Variants in COL4A5 observed in about 807,000 individuals in gnomAD.
COL4A5 encodes collagen type IV alpha 5 chain, also known as collagen alpha-5(IV) chain.
Under a neutral mutation model 130.2 loss-of-function variants are expected in COL4A5, and 26 were observed. That is an observed-to-expected ratio of 0.20 (90% CI 0.15 to 0.28). The LOEUF is 0.28. Ranked by LOEUF, COL4A5 falls within the 10% of genes least tolerant of loss-of-function variation. The pLI is 1.00. For synonymous variants in COL4A5, 496 were observed against 439.6 expected (o/e 1.13, Z -1.60); for missense variants, 1,131 against 1,344.3 (o/e 0.84, Z 2.48).
At chrX:108,650,866 A>T (rs1388025446) in intron 36 of COL4A5, among the ~76,000 whole-genome samples, 1 of 110,407 alleles carries the variant, frequency 9.1e-6, no homozygotes, top group Admixed American at 9.7e-5. Context: ...AATCTCACAA[A>T]TCACCACTAA....
intron 29 of COL4A5, among the ~76,000 whole-genome samples, chrX:108,609,116 A>C (rs1268907829): frequency 2.1e-4 from 24 of 111,914 alleles, no homozygotes; most frequent in African/African-American, 6.5e-4. Flanking sequence ...ATTCTTTTTT[A>C]TGGATATGTG....
Position 108,578,040 on chromosome X carries a change from T to C in COL4A5, c.646-38T>C, listed in dbSNP as rs747530026. ...ATTTGGTGTGGATTCCTTTTCTTAC[T>C]GTCAGTGAGATTTTTAAATGGAAAC... On this transcript the variant is annotated intron_variant, in intron 11 of 52. Transcript: ENST00000328300. 5.0e-6 allele frequency: 6 copies of C among 1,203,952 alleles called. No homozygotes were observed. In the South Asian group the frequency reaches 8.8e-5, roughly 18 times the overall value.
Position 108,623,269 on chromosome X carries a change from A to T in COL4A5, c.2917+444A>T, listed in dbSNP as rs774784908. 3.6e-5 allele frequency among the ~76,000 whole-genome samples: 4 copies of T among 111,873 alleles called. No homozygotes were observed. The East Asian group carries it at 1.1e-3, about 31-fold the overall frequency. The stretch of plus-strand genomic sequence containing the variant: ...ATATCCATATCATACTTGGCTTTCA[A>T]ATACAGTTCACCGTTATTCTACTTT... On this transcript the variant is annotated intron_variant, in intron 33 of 52. Coordinates refer to ENST00000328300, the MANE Select transcript of COL4A5 (RefSeq NM_033380.3).
At chrX:108,560,327 A>G (rs990548043) in intron 3 of COL4A5, among the ~76,000 whole-genome samples, 2 of 112,215 alleles carry the variant, frequency 1.8e-5, no homozygotes, top group Non-Finnish European at 3.8e-5. Context: ...TAGGTGCAAT[A>G]TGAGGTGCTG....
intron 36 of COL4A5, among the ~76,000 whole-genome samples, chrX:108,632,204 A>C (rs757041840): frequency 3.6e-5 from 4 of 111,800 alleles, no homozygotes; most frequent in Non-Finnish European, 5.6e-5. Context: ...AAACACCTCT[A>C]TGCAAATAAA....
chrX:108,623,809 A>T (rs1429537733), intron 33 of COL4A5, among the ~76,000 whole-genome samples: 1 of 111,920 alleles, frequency 8.9e-6, no homozygotes, highest in Non-Finnish European at 1.9e-5. Context: ...CTAATTTTTT[A>T]TGGAATGACT....
chrX:108,449,076 G>A (rs2064481255), intron 1 of COL4A5, among the ~76,000 whole-genome samples: 1 of 111,813 alleles, frequency 8.9e-6, no homozygotes, highest in Admixed American at 9.5e-5. Flanking sequence ...GGTTGAAATC[G>A]TGTTATATGT....
intron 16 of COL4A5, among the ~76,000 whole-genome samples, chrX:108,581,878 T>G (rs189359234): frequency 3.6e-5 from 4 of 110,205 alleles, no homozygotes; most frequent in African/African-American, 9.9e-5. Context: ...TACAGTTTTT[T>G]TGTGTGTGTG....
chrX:108,550,551 A>G (rs1233957644), intron 2 of COL4A5, among the ~76,000 whole-genome samples: 4 of 111,925 alleles, frequency 3.6e-5, no homozygotes, highest in African/African-American at 1.3e-4. Context: ...GATTTCCTCA[A>G]CCTTAAAGGG....
At chrX:108,671,580 T>C (rs1304219329) in intron 42 of COL4A5, among the ~76,000 whole-genome samples, 3 of 111,365 alleles carry the variant, frequency 2.7e-5, no homozygotes, top group African/African-American at 9.8e-5. Context: ...GAGACTGAGC[T>C]CAACTTCAAA....
chrX:108,588,517 T>C (rs1603286773), intron 19 of COL4A5, among the ~76,000 whole-genome samples: 1 of 109,845 alleles, frequency 9.1e-6, no homozygotes, highest in Admixed American at 9.8e-5. Flanking sequence ...TTAAGAGGTA[T>C]GAAAGATAAA....
In COL4A5 at chrX:108,622,774, G is replaced by T; in HGVS notation, c.2866G>T (p.Asp956Tyr). The T allele has an allele frequency of 8.3e-7, 1 of 1,211,129 alleles. No individual in the cohort carries two copies. The highest frequency in any genetic ancestry group is 1.8e-5 in the South Asian group (1 of 56,985). The change falls in exon 33 of 53, where the codon GAT becomes TAT. Residue 956 changes from aspartate to tyrosine, a missense_variant. By Grantham distance (160) the Asp-to-Tyr change is radical. Transcript: ENST00000328300. ...PGLPGPPGPM[D>Y]PNLLGSKGEK... is the part of the protein sequence containing the mutation. Reference sequence around the variant, plus strand: ...CCTTCCAGGCCCTCCTGGACCAATGGATCCAAATCTTCTGGGCTCAAAAGG... The same window carrying T: ...CCTTCCAGGCCCTCCTGGACCAATGTATCCAAATCTTCTGGGCTCAAAAGG...
At chrX:108,527,296 C>A (rs1043519680) in intron 1 of COL4A5, among the ~76,000 whole-genome samples, 1 of 110,898 alleles carries the variant, frequency 9.0e-6, no homozygotes, top group African/African-American at 3.3e-5. Context: ...GGGATTAATA[C>A]TCTATTTATC....
chrX:108,488,800 A>G (rs993353508), intron 1 of COL4A5, among the ~76,000 whole-genome samples: 3 of 111,453 alleles, frequency 2.7e-5, no homozygotes, highest in Admixed American at 9.6e-5. Context: ...ACCTGCAGGT[A>G]TATTCTTTTA....
Position 108,586,625 on chromosome X carries a change from G to A in COL4A5, c.1043G>A (p.Arg348Lys), listed in dbSNP as rs377663039. Residue 348 changes from arginine (R) to lysine (K), a missense_variant, in exon 19 of 53, where the codon AGA becomes AAA. Arg to Lys is a conservative substitution (Grantham distance 26, BLOSUM62 2). Transcript: ENST00000328300. ...PPGPPGLVIPRPGTGITIGEK... is the reference protein window; with the variant it reads ...PPGPPGLVIPKPGTGITIGEK... ...TCTTTGGTAATAAAGGTAATTCCTA[G>A]ACCTGGGACTGGTATAACTATAGGA... 5.3e-5 allele frequency: 64 copies of A among 1,201,544 alleles called. No individual in the cohort carries two copies. The highest frequency in any genetic ancestry group is 6.7e-5 in the Non-Finnish European group (60 of 889,577).
chrX:108,570,488 T>G (rs2066047324), intron 6 of COL4A5, among the ~76,000 whole-genome samples: 1 of 112,340 alleles, frequency 8.9e-6, no homozygotes, highest in Admixed American at 9.4e-5. Flanking sequence ...ATTATGTGAG[T>G]AACAAATTTT....
At chrX:108,624,495 C>T (rs1218279369) in intron 34 of COL4A5, among the ~76,000 whole-genome samples, 161 bp downstream of exon 34, 2 of 112,720 alleles carry the variant, frequency 1.8e-5, no homozygotes, top group Non-Finnish European at 3.7e-5. Context: ...AAATATTGCC[C>T]TTTGGCTCTA....
intron 19 of COL4A5, among the ~76,000 whole-genome samples, chrX:108,587,582 G>A (rs1369940389): frequency 8.9e-6 from 1 of 111,826 alleles, no homozygotes; most frequent in East Asian, 2.8e-4. Context: ...AATAAACATG[G>A]AAGTGCAGAT....
At chrX:108,473,975 A>G (rs1208927007) in intron 1 of COL4A5, among the ~76,000 whole-genome samples, 1 of 110,829 alleles carries the variant, frequency 9.0e-6, no homozygotes, top group Admixed American at 9.7e-5. Context: ...CTGTGTTTTC[A>G]GCTAAGTGTT....
Sources: allele counts gnomAD v4.1 joint callset (sites outside exome capture counted in the v4.1 genomes callset), GRCh38; gene constraint gnomAD v4.1.1; transcripts MANE v1.5; gene names NCBI Gene and HGNC (gene_info 2026-07-23, HGNC 2026-07-21).